The following KCNB2 variants were observed in gnomAD, a reference collection of about 807,000 sequenced individuals.
KCNB2 encodes potassium voltage-gated channel subfamily B member 2, also known as delayed rectifier potassium channel protein.
A neutral mutation model predicts 61.5 loss-of-function variants in KCNB2; 15 were observed. The ratio of observed to expected loss-of-function variants is 0.24; its 90% CI spans 0.16 to 0.38. The LOEUF (loss-of-function observed/expected upper bound fraction) is 0.38. Ranked by LOEUF, KCNB2 falls within the 10% of genes least tolerant of loss-of-function variation. The pLI is 1.00. For synonymous variants in KCNB2, 457 were observed against 446.0 expected (o/e 1.02, Z -0.31); for missense variants, 828 against 1,125.2 (o/e 0.74, Z 3.78).
At chr8:72,608,167 G>A (rs980508593) in intron 2 of KCNB2, among the ~76,000 whole-genome samples, 1 of 152,176 alleles carries the variant, frequency 6.6e-6, no homozygotes, top group African/African-American at 2.4e-5. Context: ...TGAGGCTGAA[G>A]AAAGCCCCTT....
At chr8:72,826,276 G>A (rs1809594408) in intron 2 of KCNB2, among the ~76,000 whole-genome samples, 1 of 152,180 alleles carries the variant, frequency 6.6e-6, no homozygotes, top group Admixed American at 6.5e-5. Flanking sequence ...ACAGGAAGTA[G>A]GAACTGCCGA....
intron 2 of KCNB2, among the ~76,000 whole-genome samples, chr8:72,802,263 A>C (rs1809146017): frequency 6.6e-6 from 1 of 152,204 alleles, no homozygotes; most frequent in African/African-American, 2.4e-5. Flanking sequence ...GACATGACAA[A>C]TAACCCCTAA....
chr8:72,770,060 C>T (rs183820271), intron 2 of KCNB2, among the ~76,000 whole-genome samples: 1 of 152,320 alleles, frequency 6.6e-6, no homozygotes, highest in Admixed American at 6.5e-5. Flanking sequence ...ATTGGAGAGT[C>T]AGTCCCCATA....
chr8:72,678,114 C>T (rs1806691889), intron 2 of KCNB2, among the ~76,000 whole-genome samples: 1 of 152,112 alleles, frequency 6.6e-6, no homozygotes, highest in South Asian at 2.1e-4. Flanking sequence ...CATCCTTAGC[C>T]CTCCTTTTTG....
intron 2 of KCNB2, among the ~76,000 whole-genome samples, chr8:72,649,397 A>C (rs1371379816): frequency 1.3e-5 from 2 of 152,142 alleles, no homozygotes; most frequent in African/African-American, 4.8e-5. Flanking sequence ...TTTCCCACTG[A>C]GTATTCAAGG....
At chr8:72,797,668 C>A (rs960592976) in intron 2 of KCNB2, among the ~76,000 whole-genome samples, 2 of 152,186 alleles carry the variant, frequency 1.3e-5, no homozygotes, top group African/African-American at 4.8e-5. Context: ...CTGGGATAAC[C>A]CATGCTGACA....
At chr8:72,834,703 A>T (rs1809753211) in intron 2 of KCNB2, among the ~76,000 whole-genome samples, 1 of 152,138 alleles carries the variant, frequency 6.6e-6, no homozygotes, top group Non-Finnish European at 1.5e-5. Context: ...TAATTGATAG[A>T]AAGGATGCAC....
At chr8:72,824,213 A>C (rs893892) in intron 2 of KCNB2, among the ~76,000 whole-genome samples, 4,403 of 151,312 alleles carry the variant, frequency 0.029, 96 homozygotes, top group Non-Finnish European at 0.043. Flanking sequence ...GGCCACCTTC[A>C]TGCCACCCCC....
chr8:72,733,527 G>C (rs1807785822), intron 2 of KCNB2, among the ~76,000 whole-genome samples: 1 of 152,118 alleles, frequency 6.6e-6, no homozygotes, highest in Admixed American at 6.6e-5. Flanking sequence ...TGATTTATCT[G>C]AGTCATCATT....
chr8:72,660,656 A>T (rs187681823), intron 2 of KCNB2: 4 of 152,288 alleles, frequency 2.6e-5, no homozygotes, highest in Non-Finnish European at 4.4e-5. Flanking sequence ...CTTTTCTTTC[A>T]TGGGAAATAG....
At chr8:72,755,584 A>C (rs1028806699) in intron 2 of KCNB2, among the ~76,000 whole-genome samples, 7 of 152,240 alleles carry the variant, frequency 4.6e-5, no homozygotes, top group African/African-American at 1.7e-4. Flanking sequence ...ATGGCAAATA[A>C]GCACATGAAA....
chr8:72,809,423 G>T (rs886764466), intron 2 of KCNB2, among the ~76,000 whole-genome samples: 9 of 152,066 alleles, frequency 5.9e-5, no homozygotes, highest in African/African-American at 2.2e-4. Context: ...ACACACAAAA[G>T]AGACAATGTT....
intron 2 of KCNB2, among the ~76,000 whole-genome samples, chr8:72,842,277 A>G (rs1809905687): frequency 2.0e-5 from 3 of 152,190 alleles, no homozygotes; most frequent in South Asian, 2.1e-4. Context: ...CATCCCTGGG[A>G]TGAAGCCATC....
At chr8:72,897,838 C>T (rs1806017612) in intron 2 of KCNB2, among the ~76,000 whole-genome samples, 1 of 152,090 alleles carries the variant, frequency 6.6e-6, no homozygotes, top group South Asian at 2.1e-4. Flanking sequence ...TACCTTGACA[C>T]TTTGTTCTTC....
chr8:72,653,391 A>G (rs1254656090), intron 2 of KCNB2, among the ~76,000 whole-genome samples: 1 of 152,146 alleles, frequency 6.6e-6, no homozygotes, highest in Non-Finnish European at 1.5e-5. Context: ...GCTTTTCCTG[A>G]GTGCCCTAAA....
intron 2 of KCNB2, among the ~76,000 whole-genome samples, chr8:72,713,536 A>C (rs1304670273): frequency 1.3e-5 from 2 of 152,220 alleles, no homozygotes; most frequent in Non-Finnish European, 2.9e-5. Flanking sequence ...CACTGCTGAT[A>C]CCCAGGAAAA....
intron 2 of KCNB2, among the ~76,000 whole-genome samples, chr8:72,627,888 A>G (rs1585793773): frequency 6.6e-6 from 1 of 152,150 alleles, no homozygotes; most frequent in Non-Finnish European, 1.5e-5. Context: ...ACAATTTAGC[A>G]TGTGTAAAAC....
chr8:72,846,070 G>A (rs907121364), intron 2 of KCNB2, among the ~76,000 whole-genome samples: 3 of 152,146 alleles, frequency 2.0e-5, no homozygotes, highest in Non-Finnish European at 4.4e-5. Flanking sequence ...CAGGACCTTG[G>A]TGGTGTAGGC....
At chr8:72,928,316 C>G (rs1482028) in intron 2 of KCNB2, among the ~76,000 whole-genome samples, 64,845 of 151,542 alleles carry the variant, frequency 0.43, 15,354 homozygotes, top group East Asian at 0.89. Flanking sequence ...CTTCAGTCAC[C>G]CAAGTAGCTG....
Sources: gnomAD v4.1 joint callset for allele counts (sites outside exome capture counted in the v4.1 genomes callset) on GRCh38, gnomAD v4.1.1 for gene constraint, MANE v1.5 for transcripts, NCBI Gene and HGNC (gene_info 2026-07-23, HGNC 2026-07-21) for gene names.